Variants in GALNT10 observed in about 807,000 individuals in gnomAD.
The protein encoded by GALNT10 is GalNAc transferase 10.
In GALNT10, 41 loss-of-function variants were observed where a neutral mutation model predicts 75.0. The observed-to-expected ratio is 0.55, with a 90% CI of 0.43 to 0.71. The LOEUF is 0.71. GALNT10 is among the 30% of genes least tolerant of loss of function. The pLI, the probability that GALNT10 is intolerant of heterozygous loss-of-function variation, is 0.00. For missense variants in GALNT10, 727 were observed against 818.5 expected, an observed-to-expected ratio of 0.89 and a Z score of 1.36; for synonymous variants, 302 against 313.0, an observed-to-expected ratio of 0.96 and a Z score of 0.37.
At chr5:154,285,184 G>A in intron 1 of GALNT10, among the ~76,000 whole-genome samples, 1 of 152,082 alleles carries the variant, frequency 6.6e-6, no homozygotes, top group East Asian at 1.9e-4. Context: ...CCAGCACAGA[G>A]CGCTCACACT....
At chr5:154,296,942 C>T (rs17629195) in intron 2 of GALNT10, among the ~76,000 whole-genome samples, 50,497 of 152,118 alleles carry the variant, frequency 0.33, 8,677 homozygotes, top group African/African-American at 0.37. Flanking sequence ...TTGGGCTCCA[C>T]GTCTCAGCTT....
chr5:154,380,393 A>G, intron 5 of GALNT10, 55 bp from the exon 6 acceptor site: 1 of 1,380,854 alleles, frequency 7.2e-7, no homozygotes, highest in East Asian at 2.3e-5. Flanking sequence ...AGGATGGTGC[A>G]CTTAGCTGCT....
Position 154,404,138 on chromosome 5 carries a change from C to G in GALNT10, c.1091C>G (p.Pro364Arg). Residue 364 changes from proline to arginine, a missense_variant, in exon 8 of 12, where the codon CCC (proline) becomes CGC (arginine). Physicochemically the swap from Pro to Arg is moderately radical, Grantham distance 103 (BLOSUM62 -2). Coordinates refer to ENST00000297107, the MANE Select transcript of GALNT10 (RefSeq NM_198321.4). ...TGTGGGGGCCGCATGGAGGACATCC[C>G]CTGCTCCAGGGTGGGCCATATCTAC... Reference protein sequence around the residue: ...WMCGGRMEDIPCSRVGHIYRK... With the variant: ...WMCGGRMEDIRCSRVGHIYRK... The G allele has an allele frequency of 6.2e-7, 1 of 1,613,702 alleles. No homozygotes were observed. Among genetic ancestry groups the G allele is most frequent in the Non-Finnish European group, 8.5e-7 (1 of 1,179,770 alleles).
chr5:154,336,355 G>C (rs1247170237), intron 4 of GALNT10, among the ~76,000 whole-genome samples: 2 of 152,210 alleles, frequency 1.3e-5, no homozygotes, highest in Non-Finnish European at 2.9e-5. Context: ...ATGCCAAGGA[G>C]TGTGATTGCT....
chr5:154,280,788 T>C (rs1347731747), intron 1 of GALNT10, among the ~76,000 whole-genome samples: 1 of 152,232 alleles, frequency 6.6e-6, no homozygotes, highest in Admixed American at 6.5e-5. Context: ...ATGATCTATT[T>C]CAAGTTTATA....
chr5:154,341,742 A>G (rs1755035273), intron 4 of GALNT10, among the ~76,000 whole-genome samples: 1 of 152,160 alleles, frequency 6.6e-6, no homozygotes, highest in Admixed American at 6.5e-5. Context: ...AATGAAAATG[A>G]CCTGTAAATA....
At chr5:154,284,748 C>G (rs546323920) in intron 1 of GALNT10, among the ~76,000 whole-genome samples, 2 of 152,276 alleles carry the variant, frequency 1.3e-5, no homozygotes, top group East Asian at 3.9e-4. Context: ...GGCTATGTTC[C>G]TGCAGCCTTT....
In GALNT10 at chr5:154,399,990, T is replaced by C. The variant is rs1372638476; in HGVS notation, c.1057-4114T>C. Reference sequence around the variant, plus strand: ...AGACCCCCATGTCTACAAAAAAAAATAGCCAGGTATGGTGGCACACACCTG... The same window carrying C: ...AGACCCCCATGTCTACAAAAAAAAACAGCCAGGTATGGTGGCACACACCTG... On this transcript the variant is annotated intron_variant, in intron 7 of 11. Coordinates refer to ENST00000297107, the MANE Select transcript of GALNT10 (RefSeq NM_198321.4). Among the ~76,000 whole-genome samples, 7 of 151,672 alleles carry C rather than the reference T, an allele frequency of 4.6e-5. 1 individual carries two copies. In the Middle Eastern group the frequency reaches 0.02, roughly 442 times the overall value.
intron 1 of GALNT10, among the ~76,000 whole-genome samples, chr5:154,246,734 A>C (rs1201805929): frequency 6.6e-6 from 1 of 152,134 alleles, no homozygotes; most frequent in East Asian, 1.9e-4. Flanking sequence ...AGTAGATTGC[A>C]AACATTTTCT....
intron 1 of GALNT10, among the ~76,000 whole-genome samples, chr5:154,275,732 C>T (rs1339638237): frequency 6.6e-6 from 1 of 152,320 alleles, no homozygotes; most frequent in Admixed American, 6.5e-5. Context: ...AGAGGAGCTT[C>T]TTCATAGCAT....
At chr5:154,375,841 G>C (rs923641824) in intron 4 of GALNT10, among the ~76,000 whole-genome samples, 29 of 152,202 alleles carry the variant, frequency 1.9e-4, no homozygotes, top group Admixed American at 8.5e-4. Context: ...TGTGGCCAAG[G>C]GAATGGAATG....
chr5:154,332,828 C>A (rs1197385770), intron 4 of GALNT10, among the ~76,000 whole-genome samples: 1 of 152,184 alleles, frequency 6.6e-6, no homozygotes, highest in Admixed American at 6.5e-5. Flanking sequence ...TGTATGTAAC[C>A]TGTTTTTCTG....
chr5:154,293,625 C>CTTTTTTT (rs1320287927), intron 1 of GALNT10, among the ~76,000 whole-genome samples: 3 of 128,070 alleles, frequency 2.3e-5, no homozygotes, highest in Non-Finnish European at 3.4e-5. Flanking sequence ...TTTTTTTTTC[C>CTTTTTTT]TTTCAGCCAT....
chr5:154,274,055 G>A (rs1474892016), intron 1 of GALNT10, among the ~76,000 whole-genome samples: 1 of 152,164 alleles, frequency 6.6e-6, no homozygotes, highest in African/African-American at 2.4e-5. Flanking sequence ...GAAAGCTAGG[G>A]CATTCTAGCC....
At chr5:154,264,331 G>C (rs1581945737) in intron 1 of GALNT10, among the ~76,000 whole-genome samples, 1 of 130,658 alleles carries the variant, frequency 7.7e-6, no homozygotes, top group African/African-American at 3.2e-5. Context: ...AAAAAAAAAA[G>C]TGATTTGGGG....
chr5:154,391,738 G>C (rs183588244), intron 7 of GALNT10, among the ~76,000 whole-genome samples: 3 of 152,322 alleles, frequency 2.0e-5, no homozygotes, highest in Admixed American at 2.0e-4. Flanking sequence ...CCCTAAGGCC[G>C]GGCTGGATGC....
Position 154,221,340 on chromosome 5 carries a change from A to G in GALNT10, c.159+30315A>G, listed in dbSNP as rs114189979. Among the ~76,000 whole-genome samples the G allele has an allele frequency of 1.0e-2, 1,520 of 152,270 alleles. 12 individuals carry two copies. The highest frequency in any genetic ancestry group is 0.016 in the Non-Finnish European group (1,057 of 67,988). On this transcript the variant is annotated intron_variant, in intron 1 of 11. Transcript: ENST00000297107. ...ACTGGGAAGGCCCCATCCTTCCTAT[A>G]TGACTGGAGCAGGGAATTCTGCCTC... is the stretch of plus-strand genomic sequence containing the variant.
chr5:154,412,969 C>G lies in GALNT10; in HGVS notation c.1467C>G (p.Val489=). The change falls in exon 10 of 12, where the codon GTC becomes GTG. Residue 489 remains valine (V), a synonymous_variant. Transcript: ENST00000297107. The surrounding 1 kb of genome is among the most constrained non-coding windows in gnomAD (Gnocchi z 4.2). The stretch of plus-strand genomic sequence containing the variant: ...CCCCACTAAGGCTAGAGGGCTGCGT[C>G]CGAGGCCGTGGGGAGGCTGCCTGGA... ...LGSPLRLEGC[V]RGRGEAAWNN... 6.2e-7 allele frequency: 1 copy of G among 1,613,196 alleles called. No individual in the cohort carries two copies. Among genetic ancestry groups the G allele is most frequent in the Non-Finnish European group, 8.5e-7 (1 of 1,179,494 alleles).
intron 10 of GALNT10, among the ~76,000 whole-genome samples, chr5:154,414,076 G>A (rs1248589039): frequency 6.6e-6 from 1 of 152,162 alleles, no homozygotes; most frequent in Non-Finnish European, 1.5e-5. Context: ...AATAGAACTT[G>A]CAATTACAAG....
Sources: gnomAD v4.1 joint callset for allele counts (sites outside exome capture counted in the v4.1 genomes callset) on GRCh38, gnomAD v4.1.1 for gene constraint, Gnocchi (gnomAD v3.1) non-coding constraint, MANE v1.5 for transcripts, NCBI Gene and HGNC (gene_info 2026-07-23, HGNC 2026-07-21) for gene names.